Variants in SP140L observed in about 807,000 individuals in gnomAD.
SP140L encodes the protein SP140 like nuclear body protein, also known as nuclear body protein SP140-like protein.
SP140L carries 64 observed loss-of-function variants against 84.3 expected under a neutral mutation model. The ratio of observed to expected loss-of-function variants is 0.76; its 90% CI spans 0.62 to 0.94. The LOEUF (loss-of-function observed/expected upper bound fraction) is 0.94, where lower values mean the gene tolerates loss of function less well. Among genes scored for constraint, SP140L ranks in the 40% least tolerant of loss-of-function variants. SP140L has a pLI of 0.00. For missense variants in SP140L, 628 were observed against 692.5 expected (o/e 0.91, Z 1.05); for synonymous variants, 242 against 236.9 (o/e 1.02, Z -0.20).
At position 230,385,250 on chromosome 2, in the gene SP140L, G is replaced by T; in HGVS notation, c.730G>T (p.Val244Phe). 4 of 1,613,798 alleles carry T rather than the reference G, an allele frequency of 2.5e-6. No individual in the cohort carries two copies. Among genetic ancestry groups the T allele is most frequent in the Non-Finnish European group, 3.4e-6 (4 of 1,179,772 alleles). The stretch of plus-strand genomic sequence containing the variant: ...TAACAGCAAAGCCGATGGCCAGCTG[G>T]TCTCGAGTGAAAAGAAGGCGAACAT... ...NDNSKADGQLVSSEKKANMNL... is the reference protein window; with the variant it reads ...NDNSKADGQLFSSEKKANMNL... Residue 244 changes from valine to phenylalanine, a missense_variant, in exon 9 of 19, where the codon GTC becomes TTC. This residue lies in a region of SP140L where 525 missense variants were observed against 518.4 expected (regional missense o/e 1.01). Coordinates refer to ENST00000415673, the MANE Select transcript of SP140L (RefSeq NM_138402.6).
chr2:230,358,806 C>A (rs532554545), intron 3 of SP140L, among the ~76,000 whole-genome samples, 158 bp from the exon 4 acceptor site: 2 of 152,192 alleles, frequency 1.3e-5, no homozygotes, highest in Non-Finnish European at 2.9e-5. Flanking sequence ...TTACTTCTTT[C>A]ATTACTGGCT....
At chr2:230,399,624 A>G (rs2062219146) in intron 14 of SP140L, among the ~76,000 whole-genome samples, 1 of 152,096 alleles carries the variant, frequency 6.6e-6, no homozygotes, top group Non-Finnish European at 1.5e-5. Flanking sequence ...TAGGCACAAA[A>G]CCTACAGCCT....
At chr2:230,399,555 GC>G (rs1343523542) in intron 14 of SP140L, among the ~76,000 whole-genome samples, 4 of 152,154 alleles carry the variant, frequency 2.6e-5, no homozygotes, top group South Asian at 2.1e-4. Flanking sequence ...GCTCCCTGTG[GC>G]CCACCTGGTC....
chr2:230,350,859 T>C (rs1428909453), intron 2 of SP140L, among the ~76,000 whole-genome samples: 1 of 152,168 alleles, frequency 6.6e-6, no homozygotes, highest in Non-Finnish European at 1.5e-5. Flanking sequence ...GTTCACTGCA[T>C]AGATACATAT....
chr2:230,371,244 A>G (rs1200675505), intron 6 of SP140L, among the ~76,000 whole-genome samples: 1 of 152,234 alleles, frequency 6.6e-6, no homozygotes, highest in African/African-American at 2.4e-5. Flanking sequence ...GTCACACTCA[A>G]TATTCCATGG....
chr2:230,357,881 C>G lies in SP140L; in HGVS notation c.184C>G (p.Leu62Val), dbSNP rs755367563. 1.2e-5 allele frequency: 20 copies of G among 1,613,938 alleles called. No homozygotes were observed. Among genetic ancestry groups the G allele is most frequent in the Non-Finnish European group, 1.7e-5 (20 of 1,179,942 alleles). The part of the protein sequence containing the change: ...TVFKHFKRHK[L>V]EISNAIKKTF... ...ATTCAAGCACTTCAAAAGACATAAG[C>G]TGGAGATATCAAATGCAATAAAAAA... The change falls in exon 3 of 19, where the codon CTG becomes GTG. Residue 62 changes from leucine to valine, a missense_variant. Physicochemically the swap from Leu to Val is conservative, Grantham distance 32. Coordinates refer to ENST00000415673, the MANE Select transcript of SP140L (RefSeq NM_138402.6).
chr2:230,361,728 A>C, intron 5 of SP140L, 31 bp downstream of exon 5: 603 of 1,496,336 alleles, frequency 4.0e-4, no homozygotes, highest in Non-Finnish European at 5.0e-4. Flanking sequence ...ACGGTTTCTC[A>C]TCCGCTAAGA....
intron 2 of SP140L, among the ~76,000 whole-genome samples, chr2:230,342,548 T>A (rs1053751656): frequency 6.6e-6 from 1 of 152,224 alleles, no homozygotes; most frequent in Non-Finnish European, 1.5e-5. Flanking sequence ...GAAAGGTTTT[T>A]TTTTCCTACT....
At chr2:230,380,967 C>A (rs1459342363) in intron 7 of SP140L, among the ~76,000 whole-genome samples, 1 of 152,042 alleles carries the variant, frequency 6.6e-6, no homozygotes, top group African/African-American at 2.4e-5. Context: ...TTTTTCATAT[C>A]TCTTATCTAA....
At chr2:230,373,934 T>C (rs151245961) in intron 7 of SP140L, among the ~76,000 whole-genome samples, 55 of 152,280 alleles carry the variant, frequency 3.6e-4, no homozygotes, top group Admixed American at 6.5e-4. Context: ...TTGGAAGAAG[T>C]TGATTACAAC....
chr2:230,388,577 C>G lies in SP140L; in HGVS notation c.803C>G (p.Pro268Arg). 1.2e-6 allele frequency: 2 copies of G among 1,608,616 alleles called. No homozygotes were observed. Among genetic ancestry groups the G allele is most frequent in the Non-Finnish European group, 1.7e-6 (2 of 1,178,486 alleles). Reference protein sequence around the residue: ...SKIRGRKRGKPGTHFTQSDRA... With the variant: ...SKIRGRKRGKRGTHFTQSDRA... ...TTCTCAGGGAGAAAGAGAGGCAAAC[C>G]TGGAACCCACTTTACTCAGAGTGAC... Residue 268 changes from proline (P) to arginine (R), a missense_variant, in exon 10 of 19, where the codon CCT becomes CGT. Coordinates refer to ENST00000415673, the MANE Select transcript of SP140L (RefSeq NM_138402.6).
chr2:230,355,726 T>C (rs542812656), intron 2 of SP140L, among the ~76,000 whole-genome samples: 2 of 152,310 alleles, frequency 1.3e-5, no homozygotes, highest in African/African-American at 4.8e-5. Context: ...CATGTTCATA[T>C]TGTAAATTGC....
intron 13 of SP140L, among the ~76,000 whole-genome samples, chr2:230,396,097 G>T (rs897289767): frequency 2.6e-5 from 4 of 152,176 alleles, no homozygotes; most frequent in African/African-American, 9.7e-5. Flanking sequence ...CTCTGGGTGG[G>T]ATGACACAAA....
At chr2:230,398,080 G>A (rs2062133060) in intron 14 of SP140L, among the ~76,000 whole-genome samples, 1 of 150,856 alleles carries the variant, frequency 6.6e-6, no homozygotes. Context: ...GTCACCTGAA[G>A]AGCTTTAAAA....
intron 2 of SP140L, among the ~76,000 whole-genome samples, chr2:230,350,888 A>T (rs2060343239): frequency 6.6e-6 from 1 of 152,186 alleles, no homozygotes; most frequent in Non-Finnish European, 1.5e-5. Flanking sequence ...TAGGCAGAAG[A>T]AACAGTCAAT....
At chr2:230,330,367 G>T (rs13397731) in intron 2 of SP140L, among the ~76,000 whole-genome samples, 2,599 of 152,276 alleles carry the variant, frequency 0.017, 75 homozygotes, top group African/African-American at 0.058. Flanking sequence ...GCCTGTAAGA[G>T]CCTCTTCTTA....
Position 230,371,649 on chromosome 2 carries a change from G to T in SP140L, c.635G>T (p.Arg212Ile). Reference protein sequence around the residue: ...NSTLGKPKRKRRKKKGHGWSR... With the variant: ...NSTLGKPKRKIRKKKGHGWSR... ...ACTTTGGGAAAACCCAAGAGGAAAA[G>T]AAGTAAGAATAAATAAGAATTTACT... Residue 212 changes from arginine (R) to isoleucine (I), a missense_variant and splice_region_variant, in exon 7 of 19, where the codon AGA becomes ATA. By Grantham distance (97) the Arg-to-Ile change is moderately conservative. This residue lies in a region of SP140L where 525 missense variants were observed against 518.4 expected (regional missense o/e 1.01). Coordinates refer to ENST00000415673, the MANE Select transcript of SP140L (RefSeq NM_138402.6). 6.3e-7 allele frequency: 1 copy of T among 1,597,632 alleles called. No homozygotes were observed. The highest frequency in any genetic ancestry group is 8.6e-7 in the Non-Finnish European group (1 of 1,166,524).
intron 4 of SP140L, among the ~76,000 whole-genome samples, chr2:230,359,908 A>T (rs992947012): frequency 7.9e-6 from 1 of 127,374 alleles, no homozygotes; most frequent in African/African-American, 2.7e-5. Flanking sequence ...TTGCTCGGAC[A>T]GGGACTATAC....
intron 2 of SP140L, among the ~76,000 whole-genome samples, chr2:230,350,928 G>C (rs1295083309): frequency 6.6e-6 from 1 of 152,140 alleles, no homozygotes; most frequent in African/African-American, 2.4e-5. Context: ...AGTATGTCTG[G>C]TTAGTCAAGA....
Sources: gnomAD v4.1 joint callset for allele counts (sites outside exome capture counted in the v4.1 genomes callset) on GRCh38, gnomAD v4.1.1 for gene constraint, gnomAD v4.1.1 regional missense constraint, MANE v1.5 for transcripts, NCBI Gene and HGNC (gene_info 2026-07-23, HGNC 2026-07-21) for gene names.